Variants in GPBP1L1 observed in about 807,000 individuals in gnomAD.
GPBP1L1 encodes GC-rich promoter binding protein 1 like 1, also known as vasculin-like protein 1.
Under a neutral mutation model 52.5 loss-of-function variants are expected in GPBP1L1, and 23 were observed. The observed-to-expected ratio is 0.44, with a 90% CI of 0.32 to 0.62. GPBP1L1 has a LOEUF of 0.62. Among genes scored for constraint, GPBP1L1 ranks in the 20% least tolerant of loss-of-function variants. The pLI is 0.06. For missense variants in GPBP1L1, 596 were observed against 579.3 expected, an observed-to-expected ratio of 1.03 and a Z score of -0.30; for synonymous variants, 243 against 203.1, an observed-to-expected ratio of 1.20 and a Z score of -1.67.
chr1:45,674,931 T>C (rs1645119970), intron 2 of GPBP1L1, among the ~76,000 whole-genome samples: 1 of 152,234 alleles, frequency 6.6e-6, no homozygotes, highest in African/African-American at 2.4e-5. Flanking sequence ...TCCTTTCTCT[T>C]GTCAATGTAA....
At chr1:45,680,674 A>G (rs1340796376) in intron 2 of GPBP1L1, among the ~76,000 whole-genome samples, 1 of 152,116 alleles carries the variant, frequency 6.6e-6, no homozygotes, top group Non-Finnish European at 1.5e-5. Context: ...TGGCTCTGTC[A>G]CACACTAGCT....
At chr1:45,640,787 T>C (rs560776578) in intron 7 of GPBP1L1, among the ~76,000 whole-genome samples, 78 of 152,158 alleles carry the variant, frequency 5.1e-4, no homozygotes, top group African/African-American at 1.7e-3. Context: ...GGTGGGCAGA[T>C]CACTTGAGTC....
chr1:45,671,806 C>T (rs1645076376), intron 2 of GPBP1L1, among the ~76,000 whole-genome samples: 1 of 151,674 alleles, frequency 6.6e-6, no homozygotes, highest in Non-Finnish European at 1.5e-5. Context: ...GCCTGGGTGA[C>T]AGAGCGAGAC....
chr1:45,641,952 G>A (rs1435961680), intron 7 of GPBP1L1: 1 of 153,184 alleles, frequency 6.5e-6, no homozygotes, highest in South Asian at 2.1e-4. Context: ...GGGAGGCCAA[G>A]ATGGGTGGAT....
intron 7 of GPBP1L1, among the ~76,000 whole-genome samples, chr1:45,640,892 C>T (rs546278741): frequency 6.6e-6 from 1 of 152,166 alleles, no homozygotes; most frequent in Non-Finnish European, 1.5e-5. Flanking sequence ...GTGGTGCACA[C>T]CTGTGGTCCC....
intron 6 of GPBP1L1, among the ~76,000 whole-genome samples, chr1:45,653,312 T>G (rs1176292250): frequency 6.6e-6 from 1 of 152,122 alleles, no homozygotes; most frequent in Admixed American, 6.6e-5. Flanking sequence ...GGTGGGAAGA[T>G]CACTTGAGGT....
At chr1:45,679,828 G>C (rs950217482) in intron 2 of GPBP1L1, among the ~76,000 whole-genome samples, 2 of 149,914 alleles carry the variant, frequency 1.3e-5, no homozygotes, top group African/African-American at 4.9e-5. Flanking sequence ...AAAGATGGGA[G>C]GAATTGCTTG....
chr1:45,669,301 G>C (rs1645046855), intron 2 of GPBP1L1, among the ~76,000 whole-genome samples: 1 of 152,188 alleles, frequency 6.6e-6, no homozygotes, highest in East Asian at 1.9e-4. Flanking sequence ...AAGTAGCTGA[G>C]ACAATAGGCG....
At chr1:45,659,570 T>C (rs188244275) in intron 3 of GPBP1L1, among the ~76,000 whole-genome samples, 3 of 152,264 alleles carry the variant, frequency 2.0e-5, no homozygotes, top group Admixed American at 2.0e-4. Flanking sequence ...GAATTAAACA[T>C]CTATTTAAAA....
upstream of GPBP1L1, chr1:45,687,495 C>G (rs1422008636): frequency 6.6e-6 from 1 of 152,326 alleles, no homozygotes; most frequent in Non-Finnish European, 1.5e-5. Context: ...AGATCTCCTA[C>G]TACATGTCTT....
intron 3 of GPBP1L1, among the ~76,000 whole-genome samples, chr1:45,659,363 G>T (rs757507947): frequency 6.6e-6 from 1 of 152,144 alleles, no homozygotes; most frequent in Non-Finnish European, 1.5e-5. Context: ...ACATGAGCCT[G>T]GAAGATTTAT....
intron 6 of GPBP1L1, among the ~76,000 whole-genome samples, chr1:45,647,353 A>G (rs1240230308): frequency 6.6e-6 from 1 of 151,994 alleles, no homozygotes; most frequent in Non-Finnish European, 1.5e-5. Flanking sequence ...GTCTCTCTGC[A>G]GCTCAATCTG....
In GPBP1L1 at chr1:45,628,348, A is replaced by C. The variant is rs1439475210; in HGVS notation, c.1333T>G (p.Ser445Ala). 6.2e-7 allele frequency: 1 copy of C among 1,614,110 alleles called. No homozygotes were observed. Among genetic ancestry groups the C allele is most frequent in the Non-Finnish European group, 8.5e-7 (1 of 1,180,006 alleles). ...GCTTTGCAAGTGCTTCTCCAAGGGG[A>C]GAACAGACTGGAACTGCGGCTCTGC... ...FLQSRSSSLFSPWRSTCKAEF... is the reference protein window; with the variant it reads ...FLQSRSSSLFAPWRSTCKAEF... Residue 445 changes from serine (S) to alanine (A), a missense_variant, in exon 13 of 13, where the codon TCC becomes GCC. Transcript: ENST00000355105.
In GPBP1L1 at chr1:45,667,983, C is replaced by G. The variant is rs7526492; in HGVS notation, c.-1097-6758G>C. ...CCAACTCCTGGCCTCAAGTGATCCA[C>G]TTGCCTTGGCCTCCAAGAGTGCTGG... On this transcript the variant is annotated intron_variant, in intron 2 of 12. Transcript: ENST00000355105. Among the ~76,000 whole-genome samples, 117 of 152,320 alleles carry G rather than the reference C, an allele frequency of 7.7e-4. 1 individual carries two copies. The highest frequency in any genetic ancestry group is 2.7e-3 in the African/African-American group (114 of 41,572).
At chr1:45,629,227 T>C (rs1159496440) in intron 12 of GPBP1L1, among the ~76,000 whole-genome samples, 1 of 152,190 alleles carries the variant, frequency 6.6e-6, no homozygotes, top group Admixed American at 6.5e-5. Context: ...ACAGTGCAGA[T>C]CAGGAAGCAG....
intron 6 of GPBP1L1, among the ~76,000 whole-genome samples, chr1:45,648,648 T>C (rs1343051146): frequency 2.6e-5 from 4 of 152,238 alleles, no homozygotes; most frequent in Non-Finnish European, 4.4e-5. Context: ...TGGGGAAATA[T>C]CATTTTGCTT....
rs778077494 is a variant in GPBP1L1 at position 45,642,496 on chromosome 1, A to C, written c.481T>G (p.Ser161Ala). Residue 161 changes from serine (S) to alanine (A), a missense_variant, in exon 7 of 13, where the codon TCC becomes GCC. Coordinates refer to ENST00000355105, the MANE Select transcript of GPBP1L1 (RefSeq NM_021639.5). ...KLQFEEEDFPSLNPEAGKQHQ... is the reference protein window; with the variant it reads ...KLQFEEEDFPALNPEAGKQHQ... ...TGTTTGCCAGCTTCTGGATTCAAGG[A>C]AGGCTAGGAAAAAAGGGATATGAAT... The C allele has an allele frequency of 3.2e-5, 52 of 1,613,680 alleles. No individual in the cohort carries two copies. The highest frequency in any genetic ancestry group is 5.0e-5 in the Admixed American group (3 of 60,000).
At chr1:45,674,339 A>G (rs148047599) in intron 2 of GPBP1L1, among the ~76,000 whole-genome samples, 72 of 152,362 alleles carry the variant, frequency 4.7e-4, no homozygotes, top group Non-Finnish European at 8.7e-4. Flanking sequence ...TATGTCATAA[A>G]AGACAAATCT....
rs1409435952 is a variant in GPBP1L1 at position 45,659,017 on chromosome 1, G to C, written c.60+11C>G. The C allele has an allele frequency of 6.4e-7, 1 of 1,564,498 alleles. No individual in the cohort carries two copies. On this transcript the variant is annotated intron_variant, in intron 4 of 12. Transcript: ENST00000355105. ...TATTTGAGAAGTTACTACAGGAATGGAGAACAGTACCTTAGCTGACTGTGG... is the reference window on the plus strand; with the variant it reads ...TATTTGAGAAGTTACTACAGGAATGCAGAACAGTACCTTAGCTGACTGTGG...
Sources: allele counts gnomAD v4.1 joint callset (sites outside exome capture counted in the v4.1 genomes callset), GRCh38; gene constraint gnomAD v4.1.1; transcripts MANE v1.5; gene names NCBI Gene and HGNC (gene_info 2026-07-23, HGNC 2026-07-21).